CDCP2: variants seen among roughly 807,000 people sequenced by gnomAD.
The protein encoded by CDCP2 is CUB domain containing protein 2.
Under a neutral mutation model 31.0 loss-of-function variants are expected in CDCP2, and 31 were observed. The ratio of observed to expected loss-of-function variants is 1.00; its 90% CI spans 0.75 to 1.35. The LOEUF (loss-of-function observed/expected upper bound fraction) is 1.35, where lower values mean the gene tolerates loss of function less well. Among genes scored for constraint, CDCP2 ranks in the 40% most tolerant of loss-of-function variants. CDCP2 has a pLI of 0.00. For synonymous variants in CDCP2, 206 were observed against 207.9 expected (o/e 0.99, Z 0.08); for missense variants, 443 against 482.6 (o/e 0.92, Z 0.77).
chr1:54,139,542 C>T, intron 4 of CDCP2: 1 of 1,613,678 alleles, frequency 6.2e-7, no homozygotes, highest in Non-Finnish European at 8.5e-7. Context: ...GAAGGAGGCT[C>T]TGCAATAGTG....
intron 1 of CDCP2, among the ~76,000 whole-genome samples, chr1:54,149,285 T>C (rs1308388712): frequency 3.3e-5 from 5 of 151,942 alleles, no homozygotes; most frequent in Non-Finnish European, 7.4e-5. Context: ...GGTATTGAGG[T>C]TATATACAGT....
intron 1 of CDCP2, among the ~76,000 whole-genome samples, chr1:54,148,145 G>A (rs1169938117): frequency 6.6e-6 from 1 of 151,736 alleles, no homozygotes; most frequent in Non-Finnish European, 1.5e-5. Flanking sequence ...AACATGATTT[G>A]GTTATACAGG....
intron 2 of CDCP2, chr1:54,141,645 T>G: frequency 1.9e-6 from 1 of 529,742 alleles, no homozygotes; most frequent in Non-Finnish European, 3.3e-6. Flanking sequence ...ATCCTCAGAG[T>G]AGCCGCACAA....
intron 1 of CDCP2, 99 bp downstream of exon 1, chr1:54,152,745 C>T: frequency 1.8e-6 from 2 of 1,128,038 alleles, no homozygotes; most frequent in Non-Finnish European, 2.6e-6. Flanking sequence ...AAAGGACCTC[C>T]TGCTTTCTGG....
chr1:54,135,262 G>C (rs1659240057), intron 5 of CDCP2, among the ~76,000 whole-genome samples: 1 of 152,200 alleles, frequency 6.6e-6, no homozygotes, highest in Non-Finnish European at 1.5e-5. Flanking sequence ...AACATGGGTT[G>C]CTGATGGCTG....
At chr1:54,133,913 C>CAACAAAAAAAA (rs1659213745) in intron 5 of CDCP2, among the ~76,000 whole-genome samples, 16 of 144,786 alleles carry the variant, frequency 1.1e-4, no homozygotes, top group African/African-American at 3.9e-4. Context: ...AACAAACAAA[C>CAACAAAAAAAA]AAAAAAAACC....
At chr1:54,132,705 C>T, downstream of CDCP2, 1 of 340,842 alleles carries the variant, frequency 2.9e-6, no homozygotes, top group Non-Finnish European at 5.3e-6. Context: ...AGCAGAATAT[C>T]TTTAAAATTA....
chr1:54,149,596 A>G (rs1337782343), intron 1 of CDCP2, among the ~76,000 whole-genome samples: 1 of 152,186 alleles, frequency 6.6e-6, no homozygotes. Context: ...CCTGATTTAC[A>G]CCTGAAAACC....
chr1:54,148,540 A>G (rs1382621979), intron 1 of CDCP2, among the ~76,000 whole-genome samples: 1 of 151,810 alleles, frequency 6.6e-6, no homozygotes, highest in African/African-American at 2.4e-5. Flanking sequence ...TGAAAAAAAA[A>G]AATGAAGAAA....
At chr1:54,144,386 A>G in intron 2 of CDCP2, 80 bp downstream of exon 2, 2 of 1,279,770 alleles carry the variant, frequency 1.6e-6, no homozygotes, top group Non-Finnish European at 2.2e-6. Flanking sequence ...GGATCAAGTA[A>G]TCCTCCCACT....
exon 3 of CDCP2, chr1:54,141,305 C>G (rs1233732751): frequency 6.2e-7 from 1 of 1,614,238 alleles, no homozygotes; most frequent in Non-Finnish European, 8.5e-7. Context: ...TCCACGAACA[C>G]CAGCTTGACG....
rs556450062 is a variant in CDCP2, at chr1:54,140,210, C to T, written c.764-104G>A. 5.9e-5 allele frequency: 61 copies of T among 1,025,918 alleles called. No homozygotes were observed. In the African/African-American group the frequency reaches 9.1e-4, roughly 15 times the overall value. 63.6% of individuals were successfully genotyped at this position (1,025,918 alleles called of 1,614,324 possible). Reference sequence around the variant, plus strand: ...AGCAGGTGCCACAGTGGTCCAAAAACCACCAGCAGGTTGTGGGCACCATGG... The same window carrying T: ...AGCAGGTGCCACAGTGGTCCAAAAATCACCAGCAGGTTGTGGGCACCATGG... On this transcript the variant is annotated intron_variant, in intron 3 of 5. Coordinates refer to ENST00000530059, the Ensembl canonical transcript of CDCP2.
At chr1:54,147,493 G>C (rs1390399658) in intron 1 of CDCP2, among the ~76,000 whole-genome samples, 1 of 151,694 alleles carries the variant, frequency 6.6e-6, no homozygotes, top group Non-Finnish European at 1.5e-5. Flanking sequence ...TCAGCCTCCT[G>C]AGTAGCTAGA....
At chr1:54,145,154 G>A (rs1309381226) in intron 1 of CDCP2, among the ~76,000 whole-genome samples, 2 of 152,170 alleles carry the variant, frequency 1.3e-5, no homozygotes, top group Non-Finnish European at 2.9e-5. Context: ...GGGGCCAGGT[G>A]CAGTGGTTCA....
At chr1:54,147,572 G>A (rs1432397607) in intron 1 of CDCP2, among the ~76,000 whole-genome samples, 1 of 151,738 alleles carries the variant, frequency 6.6e-6, no homozygotes, top group African/African-American at 2.4e-5. Context: ...TCACTATACT[G>A]GCCAGGCTGG....
At chr1:54,138,716 C>G (rs1230728487) in intron 4 of CDCP2, 1 of 152,236 alleles carries the variant, frequency 6.6e-6, no homozygotes, top group Non-Finnish European at 1.5e-5. Context: ...CTCTGGACTC[C>G]CCTCCCTCGT....
chr1:54,139,371 A>T, intron 4 of CDCP2: 1 of 636,086 alleles, frequency 1.6e-6, no homozygotes, highest in Non-Finnish European at 2.8e-6. Flanking sequence ...GCTGGTAGAC[A>T]TCCCCACAGT....
At chr1:54,152,915 G>C in exon 1 of CDCP2, 2 of 1,614,132 alleles carry the variant, frequency 1.2e-6, no homozygotes, top group Non-Finnish European at 1.7e-6. Context: ...CCCCCACTCT[G>C]CCAGCATCTC....
chr1:54,152,904 C>G (rs779659965), exon 1 of CDCP2: 1 of 1,614,096 alleles, frequency 6.2e-7, no homozygotes, highest in Admixed American at 1.7e-5. Context: ...AGCAGGCAAG[C>G]CCCCCACTCT....
Sources: gnomAD v4.1 joint callset for allele counts (sites outside exome capture counted in the v4.1 genomes callset) on GRCh38, gnomAD v4.1.1 for gene constraint, MANE v1.5 for transcripts, NCBI Gene and HGNC (gene_info 2026-07-23, HGNC 2026-07-21) for gene names.